CATSPERT: variants seen among roughly 807,000 people sequenced by gnomAD.
CATSPERT encodes catsper channel auxiliary subunit tau.
At chr2:201,492,228 T>G in the CATSPERT span, 9 of 1,518,056 alleles carry the variant, frequency 5.9e-6, no homozygotes, top group Non-Finnish European at 7.9e-6. Context: ...GACAGTCATC[T>G]CTAAAAGGTA....
the CATSPERT span, among the ~76,000 whole-genome samples, chr2:201,519,262 C>T: frequency 6.6e-6 from 1 of 152,136 alleles, no homozygotes; most frequent in African/African-American, 2.4e-5. Flanking sequence ...ATGACACAAG[C>T]ACAGATTACA....
chr2:201,527,162 C>A, the CATSPERT span, among the ~76,000 whole-genome samples: 1 of 151,852 alleles, frequency 6.6e-6, no homozygotes, highest in Admixed American at 6.6e-5. Flanking sequence ...ATTCACATAG[C>A]CAAAATAAGA....
At chr2:201,602,028 T>C in the CATSPERT span, 6 of 592,490 alleles carry the variant, frequency 1.0e-5, no homozygotes, top group Non-Finnish European at 1.6e-5. Context: ...TATTCTAAAA[T>C]AGTATTTTTG....
At chr2:201,564,433 G>GAA in the CATSPERT span, among the ~76,000 whole-genome samples, 4 of 151,770 alleles carry the variant, frequency 2.6e-5, no homozygotes, top group African/African-American at 9.7e-5. Flanking sequence ...AAAACTAAGA[G>GAA]AAAAAAACCA....
At chr2:201,561,550 T>G in the CATSPERT span, among the ~76,000 whole-genome samples, 1 of 152,158 alleles carries the variant, frequency 6.6e-6, no homozygotes, top group East Asian at 1.9e-4. Context: ...TATTATGGAT[T>G]ATTATTTTGG....
the CATSPERT span, among the ~76,000 whole-genome samples, chr2:201,569,511 C>A: frequency 2.0e-5 from 3 of 152,132 alleles, no homozygotes; most frequent in Admixed American, 1.3e-4. Context: ...TTGGTTCCTG[C>A]CACCCTGGGA....
the CATSPERT span, among the ~76,000 whole-genome samples, chr2:201,531,473 AAC>A: frequency 1.3e-5 from 2 of 152,184 alleles, no homozygotes; most frequent in African/African-American, 4.8e-5. Flanking sequence ...AAATGGGAGT[AAC>A]AGACAATAAA....
chr2:201,535,800 C>T, the CATSPERT span: 2 of 1,405,768 alleles, frequency 1.4e-6, no homozygotes, highest in Non-Finnish European at 1.8e-6. Context: ...ATTTTGTCTC[C>T]CTAGTCTTAT....
At chr2:201,548,356 C>T in the CATSPERT span, among the ~76,000 whole-genome samples, 1 of 152,208 alleles carries the variant, frequency 6.6e-6, no homozygotes, top group Non-Finnish European at 1.5e-5. Context: ...GTGTCTCTTT[C>T]TCTTTTTATG....
At chr2:201,545,596 T>G in the CATSPERT span, 782 of 1,410,604 alleles carry the variant, frequency 5.5e-4, 7 homozygotes, top group African/African-American at 0.011. Context: ...TTTCGTGTTT[T>G]CAGATGCCTC....
At chr2:201,504,399 C>T in the CATSPERT span, among the ~76,000 whole-genome samples, 1 of 152,188 alleles carries the variant, frequency 6.6e-6, no homozygotes, top group Non-Finnish European at 1.5e-5. Flanking sequence ...CTTGGTCACT[C>T]TTGACACAGT....
At chr2:201,502,299 T>A in the CATSPERT span, among the ~76,000 whole-genome samples, 1 of 152,104 alleles carries the variant, frequency 6.6e-6, no homozygotes, top group African/African-American at 2.4e-5. Flanking sequence ...CTGGGCCGGG[T>A]GCAGTGGCTC....
the CATSPERT span, among the ~76,000 whole-genome samples, chr2:201,605,493 C>G: frequency 6.6e-6 from 1 of 152,106 alleles, no homozygotes; most frequent in South Asian, 2.1e-4. Flanking sequence ...AAGAGAACAA[C>G]AGGTTATGCC....
chr2:201,603,203 T>C, the CATSPERT span: 1 of 1,602,818 alleles, frequency 6.2e-7, no homozygotes, highest in South Asian at 1.1e-5. Context: ...ACTATGATTC[T>C]TAAATCAAAA....
At chr2:201,607,943 A>G in the CATSPERT span, among the ~76,000 whole-genome samples, 1 of 152,278 alleles carries the variant, frequency 6.6e-6, no homozygotes, top group East Asian at 1.9e-4. Context: ...CAAGCCCCAA[A>G]ACTGTGAGAA....
At chr2:201,551,886 C>T in the CATSPERT span, among the ~76,000 whole-genome samples, 1 of 148,914 alleles carries the variant, frequency 6.7e-6, no homozygotes, top group East Asian at 2.0e-4. Context: ...TCAGCCTGGC[C>T]AACAAGAGGG....
chr2:201,612,627 C>T, the CATSPERT span, among the ~76,000 whole-genome samples: 1 of 151,200 alleles, frequency 6.6e-6, no homozygotes, highest in South Asian at 2.1e-4. Context: ...GGAGCAGCTC[C>T]CGTCTGCAGT....
the CATSPERT span, chr2:201,535,312 C>T: frequency 2.0e-6 from 2 of 984,560 alleles, no homozygotes; most frequent in East Asian, 1.1e-4. Flanking sequence ...ATCTTCTGAC[C>T]TATATATCTT....
chr2:201,570,963 C>A, the CATSPERT span, among the ~76,000 whole-genome samples: 1 of 152,186 alleles, frequency 6.6e-6, no homozygotes, highest in African/African-American at 2.4e-5. Flanking sequence ...AGCTCCTTGG[C>A]ATCCCACAGT....
Sources: gnomAD v4.1 joint callset for allele counts (sites outside exome capture counted in the v4.1 genomes callset) on GRCh38, gnomAD v4.1.1 for gene constraint, MANE v1.5 for transcripts, NCBI Gene and HGNC (gene_info 2026-07-23, HGNC 2026-07-21) for gene names.